The following EYA1 variants were observed in gnomAD, a reference collection of about 807,000 sequenced individuals.
EYA1 encodes the protein EYA transcriptional coactivator and phosphatase 1.
Under a neutral mutation model 82.0 loss-of-function variants are expected in EYA1, and 16 were observed. The observed-to-expected ratio is 0.20, with a 90% confidence interval of 0.13 to 0.30. The LOEUF is 0.30. EYA1 is among the 10% of genes least tolerant of loss of function. The probability of loss-of-function intolerance (pLI) is 1.00; values close to 1 mark genes in which losing one functional copy is unlikely to be tolerated. For missense variants in EYA1, 633 were observed against 730.7 expected (o/e 0.87, Z 1.54); for synonymous variants, 261 against 264.4 (o/e 0.99, Z 0.12).
At chr8:71,278,726 G>A (rs894384411) in intron 9 of EYA1, among the ~76,000 whole-genome samples, 2 of 152,046 alleles carry the variant, frequency 1.3e-5, no homozygotes, top group Admixed American at 1.3e-4. Context: ...GAGTCTTGCT[G>A]CACGACATGA....
chr8:71,454,443 T>G (rs966379381), intron 2 of EYA1, among the ~76,000 whole-genome samples: 1 of 152,152 alleles, frequency 6.6e-6, no homozygotes, highest in Non-Finnish European at 1.5e-5. Flanking sequence ...TACAGAACTC[T>G]CCACCAAATC....
At chr8:71,455,842 G>A (rs927545525) in intron 2 of EYA1, among the ~76,000 whole-genome samples, 2 of 152,086 alleles carry the variant, frequency 1.3e-5, no homozygotes, top group Admixed American at 1.3e-4. Flanking sequence ...TTTGAAAACT[G>A]GCACAAGACA....
chr8:71,494,716 G>A (rs1438707203), intron 2 of EYA1, among the ~76,000 whole-genome samples: 1 of 152,080 alleles, frequency 6.6e-6, no homozygotes, highest in African/African-American at 2.4e-5. Flanking sequence ...CATGCCAAGG[G>A]TTAGAAAAGA....
At chr8:71,414,388 T>A (rs1393478629) in intron 2 of EYA1, among the ~76,000 whole-genome samples, 1 of 152,240 alleles carries the variant, frequency 6.6e-6, no homozygotes, top group Non-Finnish European at 1.5e-5. Context: ...CAGAATTATC[T>A]GAGTCTCTTC....
chr8:71,233,572 AAAAAAAAG>A (rs1284568672), intron 12 of EYA1, among the ~76,000 whole-genome samples: 4 of 151,546 alleles, frequency 2.6e-5, no homozygotes, highest in Non-Finnish European at 5.9e-5. Flanking sequence ...TCAAAAAAAA[AAAAAAAAG>A]AAAAAAAAGA....
intron 5 of EYA1, 61 bp from the exon 6 acceptor site, chr8:71,321,940 G>A (rs770463075): frequency 5.6e-6 from 9 of 1,596,572 alleles, no homozygotes; most frequent in East Asian, 4.5e-5. Flanking sequence ...CATGCAAACC[G>A]ATTAACAACC....
At chr8:71,317,747 CA>C (rs1822085308) in intron 6 of EYA1, 58 bp from the exon 7 acceptor site, 8 of 1,512,472 alleles carry the variant, frequency 5.3e-6, no homozygotes, top group Admixed American at 1.7e-5. Context: ...GGTAAATATA[CA>C]AAAACATACA....
chr8:71,245,154 G>T (rs750825223), intron 11 of EYA1, among the ~76,000 whole-genome samples: 1 of 152,058 alleles, frequency 6.6e-6, no homozygotes, highest in African/African-American at 2.4e-5. Flanking sequence ...TGCAGGCTGC[G>T]TGCAGCCCAG....
intron 2 of EYA1, among the ~76,000 whole-genome samples, chr8:71,520,508 A>C (rs1026317515): frequency 2.0e-5 from 3 of 152,228 alleles, no homozygotes; most frequent in Non-Finnish European, 4.4e-5. Flanking sequence ...TTTCACACAT[A>C]CTGCATTCTC....
intron 12 of EYA1, among the ~76,000 whole-genome samples, chr8:71,243,269 C>A (rs1585960857): frequency 6.6e-6 from 1 of 152,182 alleles, no homozygotes; most frequent in Non-Finnish European, 1.5e-5. Flanking sequence ...TTTTAACATA[C>A]CAGTAAAATG....
At chr8:71,435,548 T>C (rs2129165578) in intron 2 of EYA1, among the ~76,000 whole-genome samples, 1 of 152,194 alleles carries the variant, frequency 6.6e-6, no homozygotes, top group Non-Finnish European at 1.5e-5. Flanking sequence ...AATTCTGGGT[T>C]GGGGGGAAGA....
At chr8:71,231,827 C>T (rs1381300184) in intron 12 of EYA1, among the ~76,000 whole-genome samples, 1 of 152,178 alleles carries the variant, frequency 6.6e-6, no homozygotes, top group African/African-American at 2.4e-5. Context: ...ACCTACCTCT[C>T]AACATTTCCA....
intron 2 of EYA1, among the ~76,000 whole-genome samples, chr8:71,462,553 C>T (rs982651439): frequency 1.3e-5 from 2 of 152,126 alleles, no homozygotes; most frequent in Non-Finnish European, 2.9e-5. Flanking sequence ...TGCAGGTGGC[C>T]CCAGCAGCTC....
chr8:71,346,015 T>TGC (rs1225240495), intron 3 of EYA1, among the ~76,000 whole-genome samples: 3 of 151,586 alleles, frequency 2.0e-5, no homozygotes, highest in South Asian at 2.1e-4. Context: ...CGTGCACACG[T>TGC]GCGCGCACAC....
intron 16 of EYA1, among the ~76,000 whole-genome samples, chr8:71,213,949 G>A (rs553485450): frequency 1.3e-5 from 2 of 152,248 alleles, no homozygotes; most frequent in South Asian, 2.1e-4. Context: ...GAGCAAGAGA[G>A]ACAAACCCAG....
At chr8:71,370,035 G>C (rs971254793) in intron 2 of EYA1, among the ~76,000 whole-genome samples, 2 of 151,098 alleles carry the variant, frequency 1.3e-5, no homozygotes, top group Non-Finnish European at 3.0e-5. Flanking sequence ...TCAGTTTTAG[G>C]TTAAAAAAAA....
At chr8:71,258,116 G>A (rs1157827636) in intron 11 of EYA1, among the ~76,000 whole-genome samples, 1 of 152,146 alleles carries the variant, frequency 6.6e-6, no homozygotes, top group African/African-American at 2.4e-5. Flanking sequence ...CCTAATGACA[G>A]ACTATTATTG....
chr8:71,232,906 C>T (rs1053816804), intron 12 of EYA1, among the ~76,000 whole-genome samples: 6 of 152,170 alleles, frequency 3.9e-5, no homozygotes, highest in African/African-American at 1.4e-4. Flanking sequence ...TTCCTGCGAG[C>T]CAGTGCTAGT....
intron 12 of EYA1, among the ~76,000 whole-genome samples, chr8:71,226,002 T>C (rs1400967000): frequency 6.6e-6 from 1 of 152,194 alleles, no homozygotes; most frequent in Non-Finnish European, 1.5e-5. Context: ...TCTGATTCTA[T>C]TTATTAATAT....
Sources: allele counts gnomAD v4.1 joint callset (sites outside exome capture counted in the v4.1 genomes callset), GRCh38; gene constraint gnomAD v4.1.1; transcripts MANE v1.5; gene names NCBI Gene and HGNC (gene_info 2026-07-23, HGNC 2026-07-21).